Variants in INTU observed in about 807,000 individuals in gnomAD.
INTU encodes inturned planar cell polarity protein, also known as protein inturned.
In INTU, 68 loss-of-function variants were observed where a neutral mutation model predicts 100.5. The ratio of observed to expected loss-of-function variants is 0.68; its 90% CI spans 0.56 to 0.83. The LOEUF is 0.83. Among genes scored for constraint, INTU ranks in the 40% least tolerant of loss-of-function variants. The pLI is 0.00. For synonymous variants in INTU, 357 were observed against 395.7 expected (o/e 0.90, Z 1.16); for missense variants, 1,071 against 1,114.7 (o/e 0.96, Z 0.56).
chr4:127,656,536 A>G (rs1274259499), intron 2 of INTU, 100 bp from the exon 3 acceptor site: 9 of 786,384 alleles, frequency 1.1e-5, no homozygotes, highest in Admixed American at 7.7e-5. Context: ...TTCTCACTGT[A>G]CTTTGAGGAT....
intron 3 of INTU, among the ~76,000 whole-genome samples, chr4:127,662,278 T>G (rs1236609056): frequency 2.0e-5 from 3 of 152,214 alleles, no homozygotes; most frequent in Non-Finnish European, 4.4e-5. Context: ...CTTTTTAGTT[T>G]AATTGGGTCC....
At position 127,714,015 on chromosome 4, in the gene INTU, G is replaced by A. The variant is rs1430911129; in HGVS notation, c.2639G>A (p.Gly880Asp). 6.2e-7 allele frequency: 1 copy of A among 1,613,414 alleles called. No homozygotes were observed. Among genetic ancestry groups the A allele is most frequent in the Non-Finnish European group, 8.5e-7 (1 of 1,179,586 alleles). ...TCTCTTAACCCTGTTAAAGAACATG[G>A]TGTGTTGTTTGAATGTTCACCTGGA... The part of the protein sequence containing the change: ...VSSLNPVKEH[G>D]VLFECSPGNW... The change falls in exon 15 of 16, where the codon GGT (glycine) becomes GAT (aspartate). Residue 880 changes from glycine (G) to aspartate (D), a missense_variant. Physicochemically the swap from Gly to Asp is moderately conservative, Grantham distance 94 (BLOSUM62 -1). Transcript: ENST00000335251.
intron 7 of INTU, 38 bp downstream of exon 7, chr4:127,684,524 ATGTG>A: frequency 8.5e-7 from 1 of 1,178,518 alleles, no homozygotes; most frequent in East Asian, 2.4e-5. Flanking sequence ...AGTTTTAATT[ATGTG>A]ATTCTAAGTC....
chr4:127,677,346 A>T (rs1298339307), intron 6 of INTU, among the ~76,000 whole-genome samples: 49 of 150,980 alleles, frequency 3.2e-4, no homozygotes, highest in Admixed American at 2.6e-4. Context: ...ACTGGGAGGC[A>T]CCCCCCAGTA....
intron 3 of INTU, among the ~76,000 whole-genome samples, chr4:127,660,174 C>T (rs564726365): frequency 3.6e-4 from 54 of 151,874 alleles, no homozygotes; most frequent in African/African-American, 1.1e-3. Context: ...CTTTATTGAC[C>T]GGGGATGGAG....
chr4:127,690,513 G>T (rs1463560316), intron 8 of INTU, among the ~76,000 whole-genome samples: 1 of 152,168 alleles, frequency 6.6e-6, no homozygotes, highest in Non-Finnish European at 1.5e-5. Context: ...TTAATACACA[G>T]GAAACAGTGA....
rs760805957 is a variant in INTU, at chr4:127,704,230, C to A, written c.1506C>A (p.Ser502=). Residue 502 remains serine (S), a splice_region_variant and synonymous_variant, in exon 10 of 16, where the codon TCC becomes TCA. Coordinates refer to ENST00000335251, the MANE Select transcript of INTU (RefSeq NM_015693.4). The stretch of plus-strand genomic sequence containing the variant: ...TCCACTATGAATTTTTCCCCCAGTC[C>A]GAGGATTACTATGACATGAGGCGGC... The part of the protein sequence containing the change: ...DLEAADFAEL[S]EDYYDMRRLY... 1.2e-6 allele frequency: 2 copies of A among 1,604,720 alleles called. No individual in the cohort carries two copies. Among genetic ancestry groups the A allele is most frequent in the South Asian group, 2.3e-5 (2 of 88,522 alleles).
chr4:127,720,343 G>C lies in INTU; in HGVS notation c.*3907G>C, dbSNP rs1425513948. 1 of 152,210 alleles carries C rather than the reference G, an allele frequency of 6.6e-6. No homozygotes were observed. Among genetic ancestry groups the C allele is most frequent in the Admixed American group, 6.5e-5 (1 of 15,276 alleles). The allele number at this position is 152,210 out of a possible 1,614,324, so 9.4% of individuals were successfully genotyped here. ...AATTTGATTGCGCTGTGATCTGAGA[G>C]ACTGTTTGTTATTACTTCAGTTCTT... On this transcript the variant is annotated 3_prime_UTR_variant, in exon 16 of 16. Transcript: ENST00000335251.
At chr4:127,640,574 T>TATATATAC (rs1727277405) in intron 1 of INTU, among the ~76,000 whole-genome samples, 1 of 72,554 alleles carries the variant, frequency 1.4e-5, no homozygotes, top group Non-Finnish European at 2.6e-5. Flanking sequence ...TATATATATA[T>TATATATAC]ATATATATAT....
rs146105457 is a variant in INTU, at chr4:127,661,688, G to T, written c.769-1693G>T. On this transcript the variant is annotated intron_variant, in intron 3 of 15. Transcript: ENST00000335251. ...TATCTGTCACAAAGTCTATACTCAG[G>T]AATTCCCCAAAGAGTTCTCAAATTT... Among the ~76,000 whole-genome samples the T allele has an allele frequency of 7.2e-5, 11 of 152,214 alleles. No homozygotes were observed. In the East Asian group the frequency reaches 2.1e-3, roughly 29 times the overall value.
At chr4:127,656,093 T>G (rs1020715031) in intron 2 of INTU, among the ~76,000 whole-genome samples, 2 of 152,162 alleles carry the variant, frequency 1.3e-5, no homozygotes, top group Admixed American at 6.5e-5. Context: ...GCACACGGTG[T>G]GCGCACCCAC....
At chr4:127,676,655 C>T (rs1380946015) in intron 6 of INTU, among the ~76,000 whole-genome samples, 1 of 151,750 alleles carries the variant, frequency 6.6e-6, no homozygotes, top group Non-Finnish European at 1.5e-5. Flanking sequence ...CAGTCTACAG[C>T]TCCCAGCGTG....
intron 14 of INTU, among the ~76,000 whole-genome samples, chr4:127,713,338 G>C (rs1042583661): frequency 6.6e-6 from 1 of 152,054 alleles, no homozygotes; most frequent in Admixed American, 6.6e-5. Context: ...AGCTATGAAG[G>C]AAAGAAAAGG....
At position 127,718,126 on chromosome 4, in the gene INTU, C is replaced by T. The variant is rs536776080; in HGVS notation, c.*1690C>T. On this transcript the variant is annotated 3_prime_UTR_variant, in exon 16 of 16. Transcript: ENST00000335251. Reference sequence around the variant, plus strand: ...AGGGATTTTATAGTTTTGGGCTTTACATTTAAGCCTTTATTCTATCTTAAT... The same window carrying T: ...AGGGATTTTATAGTTTTGGGCTTTATATTTAAGCCTTTATTCTATCTTAAT... 6 of 152,204 alleles carry T rather than the reference C, an allele frequency of 3.9e-5. No individual in the cohort carries two copies. The highest frequency in any genetic ancestry group is 2.1e-4 in the South Asian group (1 of 4,824). The allele number at this position is 152,204 out of a possible 1,614,324, so 9.4% of individuals were successfully genotyped here. A position where few individuals can be genotyped will look rare whatever the true frequency, so the allele number is the denominator to read the frequency against.
chr4:127,648,868 T>C (rs1298704696), intron 2 of INTU, among the ~76,000 whole-genome samples: 1 of 152,104 alleles, frequency 6.6e-6, no homozygotes, highest in African/African-American at 2.4e-5. Flanking sequence ...TTTATTTTGG[T>C]CTGCAAGTTC....
rs1578646931 is a variant in INTU at position 127,721,246 on chromosome 4, A to T, written c.*4810A>T. 1 of 152,178 alleles carries T rather than the reference A, an allele frequency of 6.6e-6. No homozygotes were observed. Among genetic ancestry groups the T allele is most frequent in the Non-Finnish European group, 1.5e-5 (1 of 68,024 alleles). The allele number at this position is 152,178 out of a possible 1,614,324, so 9.4% of individuals were successfully genotyped here. ...CACTTATGAAGCTTAGTTCAGCCAGATATGAAATTCTAGGTTGGAAATTCT... is the reference window on the plus strand; with the variant it reads ...CACTTATGAAGCTTAGTTCAGCCAGTTATGAAATTCTAGGTTGGAAATTCT... On this transcript the variant is annotated 3_prime_UTR_variant, in exon 16 of 16. Transcript: ENST00000335251.
chr4:127,656,653 G>A lies in INTU; in HGVS notation c.700G>A (p.Val234Met). The A allele has an allele frequency of 6.2e-7, 1 of 1,609,772 alleles. No individual in the cohort carries two copies. The highest frequency in any genetic ancestry group is 8.5e-7 in the Non-Finnish European group (1 of 1,176,730). ...QVLIGDVLVAVNDVDVTTENI... is the reference protein window; with the variant it reads ...QVLIGDVLVAMNDVDVTTENI... The stretch of plus-strand genomic sequence containing the variant: ...GGTTTCAGGTGATGTCCTTGTTGCT[G>A]TGAATGATGTCGATGTTACTACTGA... The change falls in exon 3 of 16, where the codon GTG becomes ATG. Residue 234 changes from valine to methionine, a missense_variant. Val to Met is a conservative substitution (Grantham distance 21). Coordinates refer to ENST00000335251, the MANE Select transcript of INTU (RefSeq NM_015693.4).
chr4:127,669,821 G>A (rs1004071710), intron 5 of INTU, among the ~76,000 whole-genome samples: 24 of 151,794 alleles, frequency 1.6e-4, no homozygotes, highest in African/African-American at 5.8e-4. Context: ...TAGGTTAAAG[G>A]CTTAAAAGGA....
intron 7 of INTU, chr4:127,685,599 ATAGTGCTTTTACCTTTTAC>A (rs1442551884): frequency 5.4e-6 from 2 of 372,362 alleles, no homozygotes; most frequent in Non-Finnish European, 1.1e-5. Context: ...GCATCCATAA[ATAGTGCTTTTACCTTTTAC>A]TAGTAAGGAA....
Sources: allele counts gnomAD v4.1 joint callset (sites outside exome capture counted in the v4.1 genomes callset), GRCh38; gene constraint gnomAD v4.1.1; transcripts MANE v1.5; gene names NCBI Gene and HGNC (gene_info 2026-07-23, HGNC 2026-07-21).